SCD: variants seen among roughly 807,000 people sequenced by gnomAD.
SCD encodes stearoyl-CoA desaturase.
SCD carries 4 observed loss-of-function variants against 35.7 expected under a neutral mutation model. The observed-to-expected ratio is 0.11, with a 90% CI of 0.06 to 0.26. The LOEUF is 0.26. Among genes scored for constraint, SCD ranks in the 10% least tolerant of loss-of-function variants. The pLI is 1.00. For synonymous variants in SCD, 150 were observed against 170.2 expected (o/e 0.88, Z 0.92); for missense variants, 282 against 460.7 (o/e 0.61, Z 3.55).
intron 2 of SCD, among the ~76,000 whole-genome samples, chr10:100,351,469 T>C (rs1180891753): frequency 6.6e-6 from 1 of 152,184 alleles, no homozygotes; most frequent in South Asian, 2.1e-4. Flanking sequence ...CTTAAGACAC[T>C]GTACAAATTG....
chr10:100,353,410 T>C (rs529896945), intron 3 of SCD, among the ~76,000 whole-genome samples: 1 of 152,002 alleles, frequency 6.6e-6, no homozygotes, highest in African/African-American at 2.4e-5. Flanking sequence ...ACAGTGAAAC[T>C]CTGTCTCTAC....
intron 2 of SCD, among the ~76,000 whole-genome samples, chr10:100,350,854 G>A (rs1221795564): frequency 6.6e-6 from 1 of 152,204 alleles, no homozygotes; most frequent in Non-Finnish European, 1.5e-5. Context: ...CTTGGCTTGA[G>A]GGCAGATCAC....
At position 100,356,147 on chromosome 10, in the gene SCD, G is replaced by A. The variant is rs751900705; in HGVS notation, c.648-385G>A. The stretch of plus-strand genomic sequence containing the variant: ...TCCCAGCACTTTGGGAGGCTGAGGC[G>A]GGAGGATTGCTGGAAAGTTCAGGCA... On this transcript the variant is annotated intron_variant, in intron 4 of 5. Transcript: ENST00000370355. This position sits in a 1 kb window ranked among gnomAD's most constrained non-coding sequence, Gnocchi z 4.1. 2.0e-5 allele frequency among the ~76,000 whole-genome samples: 3 copies of A among 152,122 alleles called. No homozygotes were observed. The highest frequency in any genetic ancestry group is 4.4e-5 in the Non-Finnish European group (3 of 68,018).
chr10:100,360,425 C>A (rs1849977818), intron 5 of SCD, among the ~76,000 whole-genome samples: 1 of 152,206 alleles, frequency 6.6e-6, no homozygotes, highest in Non-Finnish European at 1.5e-5. Context: ...GGTCTCCAAT[C>A]ACTCCTTAAG....
intron 3 of SCD, 122 bp from the exon 4 acceptor site, chr10:100,354,305 A>G: frequency 1.2e-6 from 1 of 838,294 alleles, no homozygotes; most frequent in Non-Finnish European, 1.9e-6. Context: ...TTTGGAGCCC[A>G]GATTCCTGGG....
At position 100,362,797 on chromosome 10, in the gene SCD, CCTCT is replaced by C. The variant is rs1023107043; in HGVS notation, c.*1870_*1873del. 1 of 152,322 alleles carries C rather than the reference CCTCT, an allele frequency of 6.6e-6. No individual in the cohort carries two copies. Among genetic ancestry groups the C allele is most frequent in the Non-Finnish European group, 1.5e-5 (1 of 68,140 alleles). The allele number at this position is 152,322 out of a possible 1,614,324, so 9.4% of individuals were successfully genotyped here. A position where few individuals can be genotyped will look rare whatever the true frequency, so the allele number is the denominator to read the frequency against. On this transcript the variant is annotated 3_prime_UTR_variant, in exon 6 of 6. Transcript: ENST00000370355. ...CCAGAAACATCTCTGGCCCAGAAAG[CCTCT>C]CTCTCCCTCCCTCTCTCATGAGGCA...
chr10:100,347,258 G>A lies in SCD; in HGVS notation c.-247G>A. 1.8e-6 allele frequency: 1 copy of A among 567,582 alleles called. No homozygotes were observed. The highest frequency in any genetic ancestry group is 3.1e-6 in the Non-Finnish European group (1 of 319,132). The allele number at this position is 567,582 out of a possible 1,614,324, so 35.2% of individuals were successfully genotyped here. A position where few individuals can be genotyped will look rare whatever the true frequency, so the allele number is the denominator to read the frequency against. ...AGTCAACTCCTCGCACTTTGCCCCT[G>A]CTTGGCAGCGGATAAAAGGGGGCTG... On this transcript the variant is annotated 5_prime_UTR_variant, in exon 1 of 6. Transcript: ENST00000370355.
chr10:100,356,908 C>A lies in SCD; in HGVS notation c.880+144C>A. 1.5e-6 allele frequency: 1 copy of A among 645,848 alleles called. No homozygotes were observed. Among genetic ancestry groups the A allele is most frequent in the Non-Finnish European group, 2.7e-6 (1 of 369,222 alleles). 40.0% of individuals were successfully genotyped at this position (645,848 alleles called of 1,614,324 possible). A position where few individuals can be genotyped will look rare whatever the true frequency, so the allele number is the denominator to read the frequency against. ...CACTATAAAATTAGGGGGCAGTATA[C>A]TGGAAAACGCTTTTGAGAGTCAGGC... On this transcript the variant is annotated intron_variant, in intron 5 of 5. Coordinates refer to ENST00000370355, the MANE Select transcript of SCD (RefSeq NM_005063.5). The surrounding 1 kb of genome is among the most constrained non-coding windows in gnomAD (Gnocchi z 4.1).
rs199865875 is a variant in SCD, at chr10:100,356,781, A to G, written c.880+17A>G. The G allele has an allele frequency of 3.6e-4, 570 of 1,596,064 alleles. 3 individuals are homozygous for G. The highest frequency in any genetic ancestry group is 9.3e-4 in the South Asian group (84 of 90,530). On this transcript the variant is annotated intron_variant, in intron 5 of 5. Transcript: ENST00000370355. The surrounding 1 kb of genome is among the most constrained non-coding windows in gnomAD (Gnocchi z 4.1). ...GAGCTGTGGGTAAGTCAGCTGTCCA[A>G]GTAAGACTACATCCAGTGGTCTGCT...
In SCD at chr10:100,347,355, C is replaced by T. The variant is rs202154205; in HGVS notation, c.-150C>T. On this transcript the variant is annotated 5_prime_UTR_variant, in exon 1 of 6. Transcript: ENST00000370355. ...TTCCCGGCTCGGGGACCTCCACGCA[C>T]CGCGGCTAGCGCCGACAACCAGCTA... 5 of 856,550 alleles carry T rather than the reference C, an allele frequency of 5.8e-6. No homozygotes were observed. The highest frequency in any genetic ancestry group is 2.6e-5 in the East Asian group (1 of 37,804). 53.1% of individuals were successfully genotyped at this position (856,550 alleles called of 1,614,324 possible). A position where few individuals can be genotyped will look rare whatever the true frequency, so the allele number is the denominator to read the frequency against.
Position 100,348,364 on chromosome 10 carries a change from C to A in SCD, c.310+18C>A. 1.2e-6 allele frequency: 2 copies of A among 1,609,776 alleles called. No homozygotes were observed. The highest frequency in any genetic ancestry group is 1.7e-5 in the Admixed American group (1 of 59,806). On this transcript the variant is annotated intron_variant, in intron 2 of 5. Coordinates refer to ENST00000370355, the MANE Select transcript of SCD (RefSeq NM_005063.5). ...GCTTTGGGGTAAGCAGCCTCCCTGT[C>A]CTCCTGACCTAGTCCTCCAGGTACT...
At position 100,362,480 on chromosome 10, in the gene SCD, A is replaced by G. The variant is rs201672188; in HGVS notation, c.*1547A>G. The G allele has an allele frequency of 6.6e-6, 1 of 152,062 alleles. No homozygotes were observed. Among genetic ancestry groups the G allele is most frequent in the Admixed American group, 6.5e-5 (1 of 15,268 alleles). The allele number at this position is 152,062 out of a possible 1,614,324, so 9.4% of individuals were successfully genotyped here. ...AATCTCTTCACTACCCTGATTCTTG[A>G]TTCCTGGCTCTACCCTGTCTGTCCC... On this transcript the variant is annotated 3_prime_UTR_variant, in exon 6 of 6. Transcript: ENST00000370355.
At chr10:100,359,095 G>T (rs1223329971) in intron 5 of SCD, among the ~76,000 whole-genome samples, 2 of 152,140 alleles carry the variant, frequency 1.3e-5, no homozygotes, top group East Asian at 3.8e-4. Flanking sequence ...TTTCTGGCAT[G>T]AGATGTTTCC....
chr10:100,358,594 G>A (rs1314349377), intron 5 of SCD, among the ~76,000 whole-genome samples: 6 of 81,554 alleles, frequency 7.4e-5, no homozygotes, highest in African/African-American at 2.2e-4. Flanking sequence ...GCGAGACTCC[G>A]TCTCAAAAAA....
intron 3 of SCD, among the ~76,000 whole-genome samples, chr10:100,353,875 A>T (rs1199674130): frequency 2.0e-5 from 3 of 152,244 alleles, no homozygotes; most frequent in Non-Finnish European, 4.4e-5. Context: ...AAGGGATGGA[A>T]AAAGTCATGA....
chr10:100,356,916 C>A lies in SCD; in HGVS notation c.880+152C>A. 1.6e-6 allele frequency: 1 copy of A among 632,644 alleles called. No homozygotes were observed. 39.2% of individuals were successfully genotyped at this position (632,644 alleles called of 1,614,324 possible). On this transcript the variant is annotated intron_variant, in intron 5 of 5. Coordinates refer to ENST00000370355, the MANE Select transcript of SCD (RefSeq NM_005063.5). The surrounding 1 kb of genome is among the most constrained non-coding windows in gnomAD (Gnocchi z 4.1). ...AATTAGGGGGCAGTATACTGGAAAA[C>A]GCTTTTGAGAGTCAGGCAACATGTT... is the stretch of plus-strand genomic sequence containing the variant.
rs1416878752 is a variant in SCD, at chr10:100,363,023, C to T, written c.*2090C>T. The T allele has an allele frequency of 1.3e-5, 2 of 152,224 alleles. No homozygotes were observed. The highest frequency in any genetic ancestry group is 1.9e-4 in the East Asian group (1 of 5,198). 9.4% of individuals were successfully genotyped at this position (152,224 alleles called of 1,614,324 possible). ...TGTAGAAGTAGGAGGAAACAGTTCT[C>T]ACTGGGAAGAAGCAAGGGCAAGAAC... On this transcript the variant is annotated 3_prime_UTR_variant, in exon 6 of 6. Coordinates refer to ENST00000370355, the MANE Select transcript of SCD (RefSeq NM_005063.5).
intron 5 of SCD, among the ~76,000 whole-genome samples, chr10:100,358,689 A>C (rs1250121864): frequency 6.8e-6 from 1 of 147,852 alleles, no homozygotes; most frequent in African/African-American, 2.5e-5. Context: ...TGGGTGGTTC[A>C]CTTGAGGTCA....
At chr10:100,354,789 C>T (rs186445406) in intron 4 of SCD, among the ~76,000 whole-genome samples, 157 bp downstream of exon 4, 5 of 152,294 alleles carry the variant, frequency 3.3e-5, no homozygotes, top group Non-Finnish European at 5.9e-5. Flanking sequence ...TAACATCCCA[C>T]GGGCCCGTAG....
Sources: gnomAD v4.1 joint callset for allele counts (sites outside exome capture counted in the v4.1 genomes callset) on GRCh38, gnomAD v4.1.1 for gene constraint, Gnocchi (gnomAD v3.1) non-coding constraint, MANE v1.5 for transcripts, NCBI Gene and HGNC (gene_info 2026-07-23, HGNC 2026-07-21) for gene names.